NIT2: variants seen among roughly 807,000 people sequenced by gnomAD.
The protein encoded by NIT2 is nitrilase family member 2.
Under a neutral mutation model 42.7 loss-of-function variants are expected in NIT2, and 46 were observed. That is an observed-to-expected ratio of 1.08 (90% CI 0.85 to 1.38). The LOEUF (loss-of-function observed/expected upper bound fraction) is 1.38. Ranked by LOEUF, NIT2 falls within the 40% of genes most tolerant of loss-of-function variation. The probability of loss-of-function intolerance (pLI) is 0.00; values close to 1 mark genes in which losing one functional copy is unlikely to be tolerated. For synonymous variants in NIT2, 123 were observed against 121.9 expected (o/e 1.01, Z -0.06); for missense variants, 309 against 342.5 (o/e 0.90, Z 0.77).
At position 100,356,865 on chromosome 3, in the gene NIT2, C is replaced by G. The variant is rs1325846807; in HGVS notation, c.*1597C>G. ...TTCTAAAATTATATAAAAATGAAAT[C>G]ATGCCATTAGTGCTTTTTCTGTATG... On this transcript the variant is annotated 3_prime_UTR_variant, in exon 10 of 10. Coordinates refer to ENST00000394140, the MANE Select transcript of NIT2 (RefSeq NM_020202.5). 1 of 152,148 alleles carries G rather than the reference C, an allele frequency of 6.6e-6. No individual in the cohort carries two copies. The highest frequency in any genetic ancestry group is 1.5e-5 in the Non-Finnish European group (1 of 68,010). The allele number at this position is 152,148 out of a possible 1,614,324, so 9.4% of individuals were successfully genotyped here. A position where few individuals can be genotyped will look rare whatever the true frequency, so the allele number is the denominator to read the frequency against.
In NIT2 at chr3:100,360,455, T is replaced by G. The variant is rs1232163143; in HGVS notation, c.*5187T>G. 1.3e-5 allele frequency: 2 copies of G among 152,390 alleles called. No individual in the cohort carries two copies. The highest frequency in any genetic ancestry group is 1.9e-4 in the East Asian group (1 of 5,180). 9.4% of individuals were successfully genotyped at this position (152,390 alleles called of 1,614,324 possible). A position where few individuals can be genotyped will look rare whatever the true frequency, so the allele number is the denominator to read the frequency against. ...CCCATCTCTACTAAAAATACAAAAA[T>G]TAGCCGGGTGTGGTGGCACATGCCT... On this transcript the variant is annotated 3_prime_UTR_variant, in exon 10 of 10. Coordinates refer to ENST00000394140, the MANE Select transcript of NIT2 (RefSeq NM_020202.5).
chr3:100,342,762 T>A (rs1183641811), intron 4 of NIT2, among the ~76,000 whole-genome samples: 1 of 152,134 alleles, frequency 6.6e-6, no homozygotes, highest in Non-Finnish European at 1.5e-5. Context: ...AATAGTCATA[T>A]GTATTTTAAG....
At chr3:100,352,677 C>T (rs891909703) in intron 8 of NIT2, among the ~76,000 whole-genome samples, 175 bp downstream of exon 8, 1 of 152,200 alleles carries the variant, frequency 6.6e-6, no homozygotes, top group Non-Finnish European at 1.5e-5. Context: ...CATTTGAAAA[C>T]CATGTGAGAA....
chr3:100,336,778 A>G (rs1470612098), intron 1 of NIT2, among the ~76,000 whole-genome samples: 1 of 152,092 alleles, frequency 6.6e-6, no homozygotes, highest in Non-Finnish European at 1.5e-5. Flanking sequence ...TCCGTTGCCC[A>G]GGGACGGGCA....
intron 1 of NIT2, 120 bp downstream of exon 1, chr3:100,334,918 CT>C: frequency 9.9e-7 from 1 of 1,015,190 alleles, no homozygotes; most frequent in Non-Finnish European, 1.3e-6. Flanking sequence ...CGTGCGCGGC[CT>C]TCCCTGAGGC....
At chr3:100,340,204 G>A (rs568333799) in intron 3 of NIT2, among the ~76,000 whole-genome samples, 1 of 152,220 alleles carries the variant, frequency 6.6e-6, no homozygotes, top group African/African-American at 2.4e-5. Context: ...AGCTAGGACT[G>A]CAGGTGTGCG....
At chr3:100,355,102 C>A in intron 9 of NIT2, 75 bp from the exon 10 acceptor site, 1 of 1,079,634 alleles carries the variant, frequency 9.3e-7, no homozygotes, top group Non-Finnish European at 1.4e-6. Context: ...GTGGTTTATA[C>A]AGTCAGGGGA....
At chr3:100,335,830 GC>G (rs1706063612) in intron 1 of NIT2, among the ~76,000 whole-genome samples, 1 of 152,206 alleles carries the variant, frequency 6.6e-6, no homozygotes, top group African/African-American at 2.4e-5. Context: ...GGGCAACATG[GC>G]GACACCTTGT....
intron 1 of NIT2, 47 bp downstream of exon 1, chr3:100,334,845 G>GC: frequency 7.7e-7 from 1 of 1,295,844 alleles, no homozygotes; most frequent in Non-Finnish European, 9.8e-7. Context: ...GGCCGCGGGG[G>GC]AGGCTTTGGA....
intron 6 of NIT2, 152 bp downstream of exon 6, chr3:100,346,407 T>C: frequency 3.1e-6 from 2 of 643,344 alleles, no homozygotes; most frequent in East Asian, 2.8e-5. Flanking sequence ...CCCAGACTTT[T>C]GCTGTGTATG....
chr3:100,345,531 C>G, intron 4 of NIT2, 54 bp from the exon 5 acceptor site: 1 of 1,203,594 alleles, frequency 8.3e-7, no homozygotes, highest in Non-Finnish European at 1.2e-6. Flanking sequence ...ATTGTCATTA[C>G]TGCCATGGAC....
rs144097338 is a variant in NIT2, at chr3:100,339,785, CT to C, written c.127-21del. The C allele has an allele frequency of 1.6e-3, 2,448 of 1,572,622 alleles. 32 individuals are homozygous for C. The African/African-American group carries it at 0.03, about 19-fold the overall frequency. On this transcript the variant is annotated intron_variant, in intron 2 of 9. Transcript: ENST00000394140. ...CTTTAAAATGGGTGGGTGTTTTGATCTTTTTTTTTCTCTGCCAATATTTTTC... is the reference window on the plus strand; with the variant it reads ...CTTTAAAATGGGTGGGTGTTTTGATCTTTTTTTTCTCTGCCAATATTTTTC...
At chr3:100,336,402 CACAA>C (rs564516500) in intron 1 of NIT2, among the ~76,000 whole-genome samples, 160 of 152,216 alleles carry the variant, frequency 1.1e-3, no homozygotes, top group African/African-American at 3.5e-3. Context: ...AAGAAAAAGA[CACAA>C]ACAAAGTATA....
rs1322115426 is a variant in NIT2, at chr3:100,356,852, A to G, written c.*1584A>G. Reference sequence around the variant, plus strand: ...ATTAGCTTGCATTTTCTAAAATTATATAAAAATGAAATCATGCCATTAGTG... The same window carrying G: ...ATTAGCTTGCATTTTCTAAAATTATGTAAAAATGAAATCATGCCATTAGTG... On this transcript the variant is annotated 3_prime_UTR_variant, in exon 10 of 10. Coordinates refer to ENST00000394140, the MANE Select transcript of NIT2 (RefSeq NM_020202.5). 2 of 152,216 alleles carry G rather than the reference A, an allele frequency of 1.3e-5. No homozygotes were observed. Among genetic ancestry groups the G allele is most frequent in the African/African-American group, 4.8e-5 (2 of 41,458 alleles). The allele number at this position is 152,216 out of a possible 1,614,324, so 9.4% of individuals were successfully genotyped here. A position where few individuals can be genotyped will look rare whatever the true frequency, so the allele number is the denominator to read the frequency against.
chr3:100,348,967 G>T, intron 7 of NIT2, 86 bp downstream of exon 7: 1 of 1,123,382 alleles, frequency 8.9e-7, no homozygotes. Flanking sequence ...CAGCCTTCCT[G>T]ATGTGGATTC....
chr3:100,348,022 C>T lies in NIT2; in HGVS notation c.506-781C>T, dbSNP rs113203928. Among the ~76,000 whole-genome samples the T allele has an allele frequency of 8.9e-4, 135 of 152,246 alleles. No homozygotes were observed. In the Middle Eastern group the frequency reaches 0.01, roughly 12 times the overall value. On this transcript the variant is annotated intron_variant, in intron 6 of 9. Transcript: ENST00000394140. Reference sequence around the variant, plus strand: ...TCTCCTGCCTCAGCCTCCCCAGTAGCTGGGATTATAGGCGCTCGCCACCAC... The same window carrying T: ...TCTCCTGCCTCAGCCTCCCCAGTAGTTGGGATTATAGGCGCTCGCCACCAC...
intron 5 of NIT2, chr3:100,345,908 G>A (rs1706211966): frequency 1.7e-6 from 1 of 596,350 alleles, no homozygotes; most frequent in Admixed American, 3.0e-5. Context: ...GGCTTCCAGA[G>A]TATACCTATT....
chr3:100,341,181 T>C lies in NIT2; in HGVS notation c.336+20T>C, dbSNP rs756557355. ...AGAAAGGTAAGTAGGAAGTGTGGCATAAGAATTTGTTATCTCTAAGCCAGC... is the reference window on the plus strand; with the variant it reads ...AGAAAGGTAAGTAGGAAGTGTGGCACAAGAATTTGTTATCTCTAAGCCAGC... On this transcript the variant is annotated intron_variant, in intron 4 of 9. Transcript: ENST00000394140. 6.4e-7 allele frequency: 1 copy of C among 1,567,116 alleles called. No homozygotes were observed. Among genetic ancestry groups the C allele is most frequent in the Non-Finnish European group, 8.8e-7 (1 of 1,137,420 alleles).
chr3:100,345,435 G>T, intron 4 of NIT2, 150 bp from the exon 5 acceptor site: 1 of 611,220 alleles, frequency 1.6e-6, no homozygotes. Flanking sequence ...GTGTCAGCCA[G>T]CTTGTGGGGT....
Sources: gnomAD v4.1 joint callset for allele counts (sites outside exome capture counted in the v4.1 genomes callset) on GRCh38, gnomAD v4.1.1 for gene constraint, MANE v1.5 for transcripts, NCBI Gene and HGNC (gene_info 2026-07-23, HGNC 2026-07-21) for gene names.